IFT80: variants seen among roughly 807,000 people sequenced by gnomAD.
IFT80 encodes intraflagellar transport 80, also known as intraflagellar transport protein 80 homolog.
A neutral mutation model predicts 107.9 loss-of-function variants in IFT80; 79 were observed. The observed-to-expected ratio is 0.73, with a 90% CI of 0.61 to 0.88. The LOEUF (loss-of-function observed/expected upper bound fraction) is 0.88. Among genes scored for constraint, IFT80 ranks in the 40% least tolerant of loss-of-function variants. The pLI is 0.00. For missense variants in IFT80, 797 were observed against 914.2 expected, an observed-to-expected ratio of 0.87 and a Z score of 1.65; for synonymous variants, 299 against 300.9, an observed-to-expected ratio of 0.99 and a Z score of 0.07.
At chr3:160,283,131 C>A (rs998121292) in intron 13 of IFT80, among the ~76,000 whole-genome samples, 2 of 152,126 alleles carry the variant, frequency 1.3e-5, no homozygotes, top group Non-Finnish European at 2.9e-5. Context: ...ACTATACTTA[C>A]TTTGCAAATC....
At position 160,384,461 on chromosome 3, in the gene IFT80, G is replaced by GA. The variant is rs551395574; in HGVS notation, c.37+102dup. The GA allele has an allele frequency of 3.5e-3, 4,648 of 1,315,458 alleles. 8 individuals are homozygous for GA. Among genetic ancestry groups the GA allele is most frequent in the African/African-American group, 0.018 (1,146 of 65,148 alleles). 81.5% of individuals were successfully genotyped at this position (1,315,458 alleles called of 1,614,324 possible). A position where few individuals can be genotyped will look rare whatever the true frequency, so the allele number is the denominator to read the frequency against. Reference sequence around the variant, plus strand: ...TTAGGTAAACAGCCACTAAAGGAATGAAAAAAAAAATCTATTCTTCAACTA... The same window carrying GA: ...TTAGGTAAACAGCCACTAAAGGAATGAAAAAAAAAAATCTATTCTTCAACTA... On this transcript the variant is annotated intron_variant, in intron 2 of 19. Coordinates refer to ENST00000326448, the MANE Select transcript of IFT80 (RefSeq NM_020800.3).
intron 8 of IFT80, among the ~76,000 whole-genome samples, chr3:160,320,785 T>C (rs1028193625): frequency 6.6e-6 from 1 of 151,910 alleles, no homozygotes; most frequent in Admixed American, 6.6e-5. Flanking sequence ...TTTGTTTGTT[T>C]GTTTGTTTTA....
At chr3:160,389,091 A>T (rs1423503861) in intron 1 of IFT80, among the ~76,000 whole-genome samples, 2 of 152,216 alleles carry the variant, frequency 1.3e-5, no homozygotes, top group African/African-American at 4.8e-5. Flanking sequence ...TACAGCAATA[A>T]TATGAAATTA....
intron 4 of IFT80, 103 bp downstream of exon 4, chr3:160,377,327 A>G: frequency 1.4e-6 from 1 of 718,878 alleles, no homozygotes; most frequent in Non-Finnish European, 2.5e-6. Flanking sequence ...ATTATTTGCT[A>G]TTACACAATG....
intron 8 of IFT80, among the ~76,000 whole-genome samples, chr3:160,344,415 C>T (rs1720137110): frequency 6.6e-6 from 1 of 152,184 alleles, no homozygotes; most frequent in South Asian, 2.1e-4. Flanking sequence ...AACTAGACCC[C>T]TATCTCTCAC....
chr3:160,380,256 C>T (rs1288970878), intron 3 of IFT80, among the ~76,000 whole-genome samples: 4 of 151,886 alleles, frequency 2.6e-5, no homozygotes, highest in Non-Finnish European at 4.4e-5. Flanking sequence ...AGGCTGGTCT[C>T]GAACTCCTGA....
chr3:160,377,717 T>C (rs1000974622), intron 3 of IFT80, 177 bp from the exon 4 acceptor site: 2 of 466,562 alleles, frequency 4.3e-6, no homozygotes, highest in East Asian at 7.3e-5. Flanking sequence ...ATTTAAATAT[T>C]TTAAAATAAA....
intron 8 of IFT80, among the ~76,000 whole-genome samples, chr3:160,334,963 C>T (rs1430987232): frequency 6.6e-6 from 1 of 152,026 alleles, no homozygotes. Flanking sequence ...CCCACAAGTG[C>T]TTGGATACTA....
At chr3:160,299,071 CAT>C (rs1410749930) in intron 12 of IFT80, 1 of 975,248 alleles carries the variant, frequency 1.0e-6, no homozygotes, top group African/African-American at 1.8e-5. Context: ...ATAGACAACT[CAT>C]AGTGATCACA....
intron 8 of IFT80, among the ~76,000 whole-genome samples, chr3:160,346,713 A>G (rs2108345032): frequency 6.6e-6 from 1 of 151,700 alleles, no homozygotes; most frequent in East Asian, 1.9e-4. Flanking sequence ...CCGTTATCTC[A>G]GTGGTCAGCC....
At chr3:160,293,656 T>C (rs190048340) in intron 12 of IFT80, among the ~76,000 whole-genome samples, 2 of 152,252 alleles carry the variant, frequency 1.3e-5, no homozygotes, top group Admixed American at 1.3e-4. Context: ...TTCTGAGTGA[T>C]AGAAGTGCCA....
At chr3:160,378,240 T>TA (rs796824605) in intron 3 of IFT80, among the ~76,000 whole-genome samples, 5,051 of 133,590 alleles carry the variant, frequency 0.038, 184 homozygotes, top group African/African-American at 0.11. Flanking sequence ...TTATAGCCTA[T>TA]AAAAAAAAAA....
chr3:160,282,331 CCTA>C (rs1307252575), intron 14 of IFT80, 144 bp downstream of exon 14: 7 of 611,394 alleles, frequency 1.1e-5, no homozygotes, highest in Non-Finnish European at 2.0e-5. Context: ...AACTTTCACT[CCTA>C]CTTTTTTAAA....
chr3:160,342,091 A>G (rs1031323457), intron 8 of IFT80, among the ~76,000 whole-genome samples: 3 of 152,158 alleles, frequency 2.0e-5, no homozygotes, highest in Non-Finnish European at 4.4e-5. Context: ...CAATCAACAC[A>G]CTAATACTTA....
In IFT80 at chr3:160,346,705, G is replaced by A. The variant is rs71312298; in HGVS notation, c.777+9308C>T. Among the ~76,000 whole-genome samples, 25 of 151,390 alleles carry A rather than the reference G, an allele frequency of 1.7e-4. No homozygotes were observed. The East Asian group carries it at 4.9e-3, about 29-fold the overall frequency. ...GTGTGGTCACTGAAGTCTCCATTCC[G>A]TTATCTCAGTGGTCAGCCAGACAGA... On this transcript the variant is annotated intron_variant, in intron 8 of 19. Coordinates refer to ENST00000326448, the MANE Select transcript of IFT80 (RefSeq NM_020800.3).
chr3:160,360,304 C>T (rs1462092893), intron 6 of IFT80, among the ~76,000 whole-genome samples: 1 of 151,704 alleles, frequency 6.6e-6, no homozygotes, highest in Admixed American at 6.6e-5. Context: ...GAAGTTTAGA[C>T]AAAAAAGAGT....
Position 160,319,837 on chromosome 3 carries a change from C to A in IFT80, c.880G>T (p.Val294Phe), listed in dbSNP as rs148926415. ...IAGACGNGHVVFAHVVEQHWE... is the reference protein window; with the variant it reads ...IAGACGNGHVFFAHVVEQHWE... ...TGTTGTTCCACCACATGTGCAAAAA[C>A]GACATGTCCATTTCCACAGGCTCCA... The change falls in exon 9 of 20, where the codon GTT becomes TTT. Residue 294 changes from valine to phenylalanine, a missense_variant. Val to Phe is a conservative substitution (Grantham distance 50). Coordinates refer to ENST00000326448, the MANE Select transcript of IFT80 (RefSeq NM_020800.3). 1 of 1,612,956 alleles carries A rather than the reference C, an allele frequency of 6.2e-7. No homozygotes were observed. Among genetic ancestry groups the A allele is most frequent in the Non-Finnish European group, 8.5e-7 (1 of 1,179,280 alleles).
chr3:160,296,515 C>T (rs1351502412), intron 12 of IFT80, among the ~76,000 whole-genome samples: 1 of 151,698 alleles, frequency 6.6e-6, no homozygotes, highest in East Asian at 1.9e-4. Context: ...CTTTCTCCTG[C>T]ACCTTTACTC....
chr3:160,321,321 T>C (rs537109228), intron 8 of IFT80, among the ~76,000 whole-genome samples: 7 of 152,076 alleles, frequency 4.6e-5, no homozygotes, highest in African/African-American at 1.7e-4. Context: ...CTATTTTACA[T>C]AAAGATTAAA....
Sources: gnomAD v4.1 joint callset for allele counts (sites outside exome capture counted in the v4.1 genomes callset) on GRCh38, gnomAD v4.1.1 for gene constraint, MANE v1.5 for transcripts, NCBI Gene and HGNC (gene_info 2026-07-23, HGNC 2026-07-21) for gene names.